AREL1: variants seen among roughly 807,000 people sequenced by gnomAD.
AREL1 encodes apoptosis resistant E3 ubiquitin protein ligase 1, also known as apoptosis-resistant E3 ubiquitin protein ligase 1.
AREL1 carries 62 observed loss-of-function variants against 99.0 expected under a neutral mutation model. The observed-to-expected ratio is 0.63, with a 90% CI of 0.51 to 0.77. AREL1 has a LOEUF of 0.77. Ranked by LOEUF, AREL1 falls within the 30% of genes least tolerant of loss-of-function variation. The pLI, the probability that AREL1 is intolerant of heterozygous loss-of-function variation, is 0.00. For missense variants in AREL1, 879 were observed against 1,027.6 expected (o/e 0.86, Z 1.98); for synonymous variants, 380 against 376.5 (o/e 1.01, Z -0.11).
chr14:74,667,491 T>C lies in AREL1; in HGVS notation c.2018A>G (p.Lys673Arg), dbSNP rs756432379. Residue 673 changes from lysine (K) to arginine (R), a missense_variant, in exon 16 of 20, where the codon AAA becomes AGA. Physicochemically the swap from Lys to Arg is conservative, Grantham distance 26. Coordinates refer to ENST00000356357, the MANE Select transcript of AREL1 (RefSeq NM_001039479.2). ...LAQYRLASQV[K>R]EEVEHFLKGL... is the part of the protein sequence containing the mutation. ...TTTTAGGAAATGTTCCACCTCCTCT[T>C]TCACTTGACTGGCCAGCCGATATTG... 1.9e-6 allele frequency: 3 copies of C among 1,613,646 alleles called. No homozygotes were observed. The highest frequency in any genetic ancestry group is 2.5e-6 in the Non-Finnish European group (3 of 1,179,714).
chr14:74,683,153 T>C (rs903058347), intron 5 of AREL1, 143 bp downstream of exon 5: 3 of 668,458 alleles, frequency 4.5e-6, no homozygotes, highest in Non-Finnish European at 7.5e-6. Context: ...TAAAGAACCA[T>C]TAAACTGTAT....
intron 12 of AREL1, 60 bp downstream of exon 12, chr14:74,671,348 G>GTTGGT: frequency 5.8e-6 from 1 of 172,250 alleles, no homozygotes; most frequent in Admixed American, 7.4e-5. Flanking sequence ...TTTTTTTTGT[G>GTTGGT]GAGAAGGTGC....
At chr14:74,692,399 T>A in intron 1 of AREL1, 71 bp from the exon 2 acceptor site, 2 of 357,060 alleles carry the variant, frequency 5.6e-6, no homozygotes, top group South Asian at 2.1e-5. Context: ...CAGAAAAAAA[T>A]CAAAGAGAAG....
intron 4 of AREL1, among the ~76,000 whole-genome samples, chr14:74,684,203 C>T (rs1310634316): frequency 2.6e-5 from 4 of 152,176 alleles, no homozygotes; most frequent in African/African-American, 9.7e-5. Context: ...ATCTATAATA[C>T]TTACTCTTTT....
intron 17 of AREL1, among the ~76,000 whole-genome samples, chr14:74,665,202 G>A (rs917725539): frequency 6.6e-6 from 1 of 151,584 alleles, no homozygotes; most frequent in African/African-American, 2.4e-5. Context: ...CTCTAAATCT[G>A]AATCTCTCGG....
rs887680392 is a variant in AREL1, at chr14:74,705,618, T to C, written c.-334+7315A>G. ...TTTTATAAGATCATGCCCACCTTAC[T>C]GAGTCACTCTAACCTGTGATGAGAC... On this transcript the variant is annotated intron_variant, in intron 1 of 19. Transcript: ENST00000356357. 3.3e-5 allele frequency among the ~76,000 whole-genome samples: 5 copies of C among 151,908 alleles called. No homozygotes were observed. In the East Asian group the frequency reaches 5.8e-4, roughly 18 times the overall value.
At chr14:74,671,577 G>T in intron 11 of AREL1, 94 bp from the exon 12 acceptor site, 1 of 686,186 alleles carries the variant, frequency 1.5e-6, no homozygotes, top group Non-Finnish European at 2.4e-6. Context: ...TTGTCTGCTG[G>T]ACTAACTACG....
chr14:74,709,493 T>C (rs2090243586), intron 1 of AREL1, among the ~76,000 whole-genome samples: 1 of 152,214 alleles, frequency 6.6e-6, no homozygotes, highest in Non-Finnish European at 1.5e-5. Flanking sequence ...TTTACAAGTC[T>C]TTCTGTAATA....
chr14:74,699,403 A>G (rs12879939), intron 1 of AREL1, among the ~76,000 whole-genome samples: 3 of 146,234 alleles, frequency 2.1e-5, no homozygotes, highest in South Asian at 2.2e-4. Flanking sequence ...GAGCAAGAGC[A>G]AGAGAGAGAG....
intron 1 of AREL1, among the ~76,000 whole-genome samples, chr14:74,703,254 G>C (rs1362922949): frequency 6.6e-6 from 1 of 152,188 alleles, no homozygotes; most frequent in African/African-American, 2.4e-5. Flanking sequence ...AAGGCAAAAG[G>C]CATGTCTTAC....
intron 5 of AREL1, among the ~76,000 whole-genome samples, chr14:74,682,833 G>A (rs1026450084): frequency 1.2e-4 from 19 of 152,246 alleles, no homozygotes; most frequent in Non-Finnish European, 4.4e-5. Context: ...TCCTGCTCCC[G>A]CTTCGCCTTC....
Position 74,669,618 on chromosome 14 carries a change from T to C in AREL1, c.1914+31A>G, listed in dbSNP as rs116878672. 4.6e-5 allele frequency: 74 copies of C among 1,609,630 alleles called. No homozygotes were observed. In the East Asian group the frequency reaches 1.3e-3, roughly 28 times the overall value. On this transcript the variant is annotated intron_variant, in intron 15 of 19. Coordinates refer to ENST00000356357, the MANE Select transcript of AREL1 (RefSeq NM_001039479.2). Reference sequence around the variant, plus strand: ...CTGCTCTACAGGAAACTGGAGAACATAGGACCCAGAGGCTTTGTCCTCTTT... The same window carrying C: ...CTGCTCTACAGGAAACTGGAGAACACAGGACCCAGAGGCTTTGTCCTCTTT...
At chr14:74,674,766 C>A (rs1260618791) in intron 8 of AREL1, among the ~76,000 whole-genome samples, 1 of 152,098 alleles carries the variant, frequency 6.6e-6, no homozygotes, top group African/African-American at 2.4e-5. Context: ...TCTGCTCAGC[C>A]CCATGATGCT....
At chr14:74,692,526 A>G (rs867442581) in intron 1 of AREL1, among the ~76,000 whole-genome samples, 198 bp from the exon 2 acceptor site, 19 of 152,186 alleles carry the variant, frequency 1.2e-4, no homozygotes, top group African/African-American at 4.3e-4. Context: ...CTCCAACTCC[A>G]TAAGAAAAGT....
chr14:74,694,321 T>C (rs2089939140), intron 1 of AREL1, among the ~76,000 whole-genome samples: 4 of 152,192 alleles, frequency 2.6e-5, no homozygotes, highest in Admixed American at 2.6e-4. Context: ...GAGCACTATG[T>C]AGAATACTAT....
At chr14:74,682,639 T>C (rs565529294) in intron 5 of AREL1, among the ~76,000 whole-genome samples, 99 of 152,254 alleles carry the variant, frequency 6.5e-4, no homozygotes, top group Non-Finnish European at 1.1e-3. Flanking sequence ...TTCCCAGTGT[T>C]GGAGGTGGGG....
In AREL1 at chr14:74,667,520, C is replaced by T. The variant is rs778115322; in HGVS notation, c.1989G>A (p.Leu663=). 2.5e-6 allele frequency: 4 copies of T among 1,613,768 alleles called. No individual in the cohort carries two copies. Among genetic ancestry groups the T allele is most frequent in the Admixed American group, 1.7e-5 (1 of 59,982 alleles). ...NANKIFYLNL[L]AQYRLASQVK... is the part of the protein sequence containing the mutation. ...CTTGACTGGCCAGCCGATATTGGGC[C>T]AGCAAATTTAAATAGAAGATTTTAT... The change falls in exon 16 of 20, where the codon CTG becomes CTA. Residue 663 remains leucine, a synonymous_variant. Transcript: ENST00000356357.
chr14:74,705,196 C>T (rs180828610), intron 1 of AREL1, among the ~76,000 whole-genome samples: 3 of 152,096 alleles, frequency 2.0e-5, no homozygotes, highest in Non-Finnish European at 4.4e-5. Context: ...TGCGTCACCA[C>T]GCCCAGCTAA....
intron 1 of AREL1, among the ~76,000 whole-genome samples, chr14:74,697,022 T>C (rs1257140868): frequency 6.6e-6 from 1 of 152,132 alleles, no homozygotes; most frequent in African/African-American, 2.4e-5. Flanking sequence ...AGCATGCCCC[T>C]GTTGTCCTAG....
Sources: allele counts gnomAD v4.1 joint callset (sites outside exome capture counted in the v4.1 genomes callset), GRCh38; gene constraint gnomAD v4.1.1; transcripts MANE v1.5; gene names NCBI Gene and HGNC (gene_info 2026-07-23, HGNC 2026-07-21).